Variants in NRP2 observed in about 807,000 individuals in gnomAD.
The protein encoded by NRP2 is neuropilin 2.
Under a neutral mutation model 110.4 loss-of-function variants are expected in NRP2, and 52 were observed. That is an observed-to-expected ratio of 0.47 (90% CI 0.38 to 0.59). The LOEUF (loss-of-function observed/expected upper bound fraction) is 0.59. Ranked by LOEUF, NRP2 falls within the 20% of genes least tolerant of loss-of-function variation. The pLI, the probability that NRP2 is intolerant of heterozygous loss-of-function variation, is 0.00. For synonymous variants in NRP2, 508 were observed against 468.9 expected, an observed-to-expected ratio of 1.08 and a Z score of -1.08; for missense variants, 1,049 against 1,203.0, an observed-to-expected ratio of 0.87 and a Z score of 1.89.
chr2:205,778,513 C>G (rs1380487591), intron 15 of NRP2: 2 of 152,198 alleles, frequency 1.3e-5, no homozygotes, highest in Non-Finnish European at 2.9e-5. Context: ...GGGATCAGCC[C>G]AGGGTACCAT....
At chr2:205,735,022 G>A (rs139924083) in intron 7 of NRP2, among the ~76,000 whole-genome samples, 10 of 152,278 alleles carry the variant, frequency 6.6e-5, no homozygotes, top group African/African-American at 2.2e-4. Flanking sequence ...CGTGAAGAGA[G>A]ACTGTTTTTG....
intron 13 of NRP2, 134 bp from the exon 14 acceptor site, chr2:205,765,340 A>C: frequency 2.7e-6 from 2 of 748,542 alleles, no homozygotes; most frequent in Non-Finnish European, 4.8e-6. Flanking sequence ...GATGTGTACC[A>C]GGTGCAATAA....
chr2:205,747,109 T>C (rs563895526), intron 10 of NRP2, among the ~76,000 whole-genome samples: 139 of 152,312 alleles, frequency 9.1e-4, no homozygotes, highest in African/African-American at 3.2e-3. Context: ...GGCTCAGCGC[T>C]GTAGGGGATC....
chr2:205,775,420 T>TGG (rs1424795561), intron 15 of NRP2, among the ~76,000 whole-genome samples: 1 of 152,156 alleles, frequency 6.6e-6, no homozygotes, highest in Admixed American at 6.5e-5. Context: ...TGCTCTGTCT[T>TGG]TTCTGTCATT....
At chr2:205,726,203 C>CCATT (rs1387375534) in intron 6 of NRP2, 121 bp downstream of exon 6, 11 of 999,464 alleles carry the variant, frequency 1.1e-5, no homozygotes, top group Non-Finnish European at 3.1e-6. Flanking sequence ...CCTGAGAACT[C>CCATT]CATTCATTCA....
At chr2:205,769,445 A>G (rs1426956847) in intron 15 of NRP2, among the ~76,000 whole-genome samples, 1 of 151,250 alleles carries the variant, frequency 6.6e-6, no homozygotes, top group African/African-American at 2.4e-5. Context: ...CTTGCCATGC[A>G]ATATTATTTT....
intron 15 of NRP2, among the ~76,000 whole-genome samples, chr2:205,775,732 C>T (rs2058086703): frequency 6.6e-6 from 1 of 152,260 alleles, no homozygotes; most frequent in East Asian, 1.9e-4. Flanking sequence ...CCAGCCAGAC[C>T]AAATATGGTG....
Position 205,697,713 on chromosome 2 carries a change from C to T in NRP2, c.243C>T (p.His81=), listed in dbSNP as rs757076695. The T allele has an allele frequency of 9.3e-6, 15 of 1,613,866 alleles. No homozygotes were observed. Among genetic ancestry groups the T allele is most frequent in the Admixed American group, 3.3e-5 (2 of 59,984 alleles). Reference sequence around the variant, plus strand: ...ACCCTCACTTTGAAATCGAGAAGCACGACTGCAAGTAAGCACCGTCCTGTC... The same window carrying T: ...ACCCTCACTTTGAAATCGAGAAGCATGACTGCAAGTAAGCACCGTCCTGTC... ...NFNPHFEIEK[H]DCKYDFIEIR... The change falls in exon 2 of 17, where the codon CAC becomes CAT. Residue 81 remains histidine, a synonymous_variant. Coordinates refer to ENST00000357785, the MANE Select transcript of NRP2 (RefSeq NM_003872.3).
chr2:205,785,705 T>A (rs899633337), intron 15 of NRP2, among the ~76,000 whole-genome samples: 1 of 152,246 alleles, frequency 6.6e-6, no homozygotes, highest in Non-Finnish European at 1.5e-5. Context: ...TTGGGGCTCA[T>A]TGGAGACATT....
At chr2:205,717,745 A>G (rs2056928964) in intron 3 of NRP2, among the ~76,000 whole-genome samples, 1 of 152,198 alleles carries the variant, frequency 6.6e-6, no homozygotes, top group South Asian at 2.1e-4. Context: ...CTTGTGCAAA[A>G]TTCAGATCAA....
At chr2:205,722,437 G>A in intron 3 of NRP2, 41 bp from the exon 4 acceptor site, 1 of 1,480,420 alleles carries the variant, frequency 6.8e-7, no homozygotes, top group Non-Finnish European at 9.4e-7. Flanking sequence ...CACAAAGAAA[G>A]GCATCTTCTT....
At position 205,740,533 on chromosome 2, in the gene NRP2, C is replaced by T; in HGVS notation, c.1161C>T (p.Asn387=). The T allele has an allele frequency of 6.2e-7, 1 of 1,614,248 alleles. No homozygotes were observed. Among genetic ancestry groups the T allele is most frequent in the Non-Finnish European group, 8.5e-7 (1 of 1,180,048 alleles). ...HGKNHKVFQA[N]NDATEVVLNK... is the part of the protein sequence containing the mutation. ...TTACGCTACAGGTATTTCAAGCCAACAACGATGCAACTGAGGTGGTTCTGA... is the reference window on the plus strand; with the variant it reads ...TTACGCTACAGGTATTTCAAGCCAATAACGATGCAACTGAGGTGGTTCTGA... The change falls in exon 8 of 17, where the codon AAC becomes AAT. Residue 387 remains asparagine (N), a synonymous_variant. Coordinates refer to ENST00000357785, the MANE Select transcript of NRP2 (RefSeq NM_003872.3).
intron 10 of NRP2, among the ~76,000 whole-genome samples, chr2:205,749,322 TG>T (rs2057598345): frequency 6.6e-6 from 1 of 152,218 alleles, no homozygotes; most frequent in African/African-American, 2.4e-5. Context: ...ACTTTCACCA[TG>T]TAGGGTCTGA....
intron 13 of NRP2, 147 bp downstream of exon 13, chr2:205,764,083 T>G: frequency 9.9e-7 from 1 of 1,007,426 alleles, no homozygotes; most frequent in Non-Finnish European, 1.4e-6. Context: ...CTCTTATTTG[T>G]TATTCAGAAT....
intron 13 of NRP2, among the ~76,000 whole-genome samples, chr2:205,764,717 C>T (rs1030521359): frequency 6.6e-5 from 10 of 152,148 alleles, no homozygotes; most frequent in Non-Finnish European, 1.0e-4. Flanking sequence ...ACCACAGAGC[C>T]GAGGGGCTTC....
intron 9 of NRP2, among the ~76,000 whole-genome samples, chr2:205,744,211 A>G (rs2057497367): frequency 6.6e-6 from 1 of 152,122 alleles, no homozygotes; most frequent in African/African-American, 2.4e-5. Context: ...CAGATGCCTA[A>G]CCCCTACTGA....
At chr2:205,696,410 C>T (rs944486406) in intron 1 of NRP2, among the ~76,000 whole-genome samples, 2 of 152,180 alleles carry the variant, frequency 1.3e-5, no homozygotes, top group Admixed American at 6.5e-5. Flanking sequence ...GTGATTGATG[C>T]TAAGAGACAC....
At chr2:205,783,235 C>T (rs186535371) in intron 15 of NRP2, among the ~76,000 whole-genome samples, 33 of 152,186 alleles carry the variant, frequency 2.2e-4, no homozygotes, top group African/African-American at 5.1e-4. Flanking sequence ...TGCCAACTTA[C>T]GGGGAATATG....
intron 15 of NRP2, chr2:205,777,024 G>T (rs924833405): frequency 2.0e-6 from 2 of 1,023,718 alleles, no homozygotes; most frequent in South Asian, 3.9e-5. Context: ...GTTTGGGCGA[G>T]GGGTGAGTGT....
Sources: gnomAD v4.1 joint callset for allele counts (sites outside exome capture counted in the v4.1 genomes callset) on GRCh38, gnomAD v4.1.1 for gene constraint, MANE v1.5 for transcripts, NCBI Gene and HGNC (gene_info 2026-07-23, HGNC 2026-07-21) for gene names.